The following PPFIA2 variants were observed in gnomAD, a reference collection of about 807,000 sequenced individuals.
PPFIA2 encodes the protein PPFI scaffold protein A2.
A neutral mutation model predicts 175.5 loss-of-function variants in PPFIA2; 46 were observed. The ratio of observed to expected loss-of-function variants is 0.26; its 90% confidence interval spans 0.21 to 0.34. The LOEUF (loss-of-function observed/expected upper bound fraction) is 0.34. PPFIA2 is among the 10% of genes least tolerant of loss of function. The pLI, the probability that PPFIA2 is intolerant of heterozygous loss-of-function variation, is 1.00. For synonymous variants in PPFIA2, 568 were observed against 511.4 expected, an observed-to-expected ratio of 1.11 and a Z score of -1.49; for missense variants, 1,179 against 1,506.1, an observed-to-expected ratio of 0.78 and a Z score of 3.60.
rs1433369721 is a variant in PPFIA2 at position 81,748,733 on chromosome 12, G to T, written c.249+5240C>A. Among the ~76,000 whole-genome samples the T allele has an allele frequency of 1.4e-5, 2 of 144,536 alleles. 1 individual carries two copies. Among genetic ancestry groups the T allele is most frequent in the Non-Finnish European group, 3.1e-5 (2 of 64,460 alleles). The allele number at this position is 144,536 out of a possible 152,430, so 94.8% of individuals were successfully genotyped here. On this transcript the variant is annotated intron_variant, in intron 3 of 32. Coordinates refer to ENST00000549396, the MANE Select transcript of PPFIA2 (RefSeq NM_003625.5). ...TTTTGTATGTTATTGAGGTTTTTGTGTTGTTATATAGCATTATTTAAGCAA... is the reference window on the plus strand; with the variant it reads ...TTTTGTATGTTATTGAGGTTTTTGTTTTGTTATATAGCATTATTTAAGCAA...
Position 81,702,371 on chromosome 12 carries a change from G to C in PPFIA2, c.250-25527C>G, listed in dbSNP as rs561829292. ...CAAATTTTTAATGTTGTCTTCACTA[G>C]TTTCTCCACTATATTACCCACTTCG... On this transcript the variant is annotated intron_variant, in intron 3 of 32. Coordinates refer to ENST00000549396, the MANE Select transcript of PPFIA2 (RefSeq NM_003625.5). Among the ~76,000 whole-genome samples the C allele has an allele frequency of 2.0e-5, 3 of 152,128 alleles. No homozygotes were observed. In the South Asian group the frequency reaches 6.2e-4, roughly 32 times the overall value.
intron 4 of PPFIA2, among the ~76,000 whole-genome samples, chr12:81,669,891 G>A (rs549297992): frequency 6.6e-6 from 1 of 151,978 alleles, no homozygotes; most frequent in African/African-American, 2.4e-5. Flanking sequence ...AAGGCTAAAT[G>A]TAACATATTG....
intron 4 of PPFIA2, among the ~76,000 whole-genome samples, chr12:81,604,665 T>A (rs1315507784): frequency 2.0e-5 from 3 of 151,642 alleles, no homozygotes; most frequent in Non-Finnish European, 3.0e-5. Context: ...AATCATTGGT[T>A]TTCAGGCAAT....
At chr12:81,600,068 C>G (rs1014363080) in intron 4 of PPFIA2, among the ~76,000 whole-genome samples, 4 of 151,972 alleles carry the variant, frequency 2.6e-5, no homozygotes, top group South Asian at 2.1e-4. Context: ...TTTCCCTTTC[C>G]CATACTCTAT....
intron 4 of PPFIA2, among the ~76,000 whole-genome samples, chr12:81,637,780 A>G (rs1346552235): frequency 6.6e-6 from 1 of 152,202 alleles, no homozygotes; most frequent in Non-Finnish European, 1.5e-5. Flanking sequence ...AGACAACAGT[A>G]GACATATTTT....
intron 4 of PPFIA2, among the ~76,000 whole-genome samples, chr12:81,540,219 A>T (rs2065997833): frequency 6.6e-6 from 1 of 152,112 alleles, no homozygotes; most frequent in African/African-American, 2.4e-5. Context: ...TAATAAAAAC[A>T]CCAAACCAGG....
chr12:81,368,841 T>C lies in PPFIA2; in HGVS notation c.1366A>G (p.Lys456Glu). The change falls in exon 13 of 33, where the codon AAA (lysine) becomes GAA (glutamate). Residue 456 changes from lysine (K) to glutamate (E), a missense_variant. Coordinates refer to ENST00000549396, the MANE Select transcript of PPFIA2 (RefSeq NM_003625.5). ...QELQRARQRE[K>E]MNEEHNKRLS... is the part of the protein sequence containing the mutation. ...CTCTTGTTATGCTCCTCATTCATTT[T>C]CTCTCTTTGCCTAGCCTTACATTTT... The C allele has an allele frequency of 6.2e-7, 1 of 1,609,986 alleles. No homozygotes were observed. The highest frequency in any genetic ancestry group is 8.5e-7 in the Non-Finnish European group (1 of 1,177,740).
chr12:81,507,986 A>T (rs890851951), intron 4 of PPFIA2, among the ~76,000 whole-genome samples: 2 of 151,912 alleles, frequency 1.3e-5, no homozygotes, highest in East Asian at 1.9e-4. Context: ...TTAGACATTT[A>T]AAAAAAATAA....
At chr12:81,489,745 G>C (rs544063453) in intron 4 of PPFIA2, among the ~76,000 whole-genome samples, 2 of 151,840 alleles carry the variant, frequency 1.3e-5, no homozygotes, top group African/African-American at 4.8e-5. Flanking sequence ...AATAGTGAAA[G>C]TATTGTATTT....
At chr12:81,507,656 C>A (rs149092134) in intron 4 of PPFIA2, among the ~76,000 whole-genome samples, 1 of 152,172 alleles carries the variant, frequency 6.6e-6, no homozygotes, top group African/African-American at 2.4e-5. Flanking sequence ...TCTGAGTCAT[C>A]TTTATCTTTC....
At chr12:81,277,847 G>C (rs553340572) in intron 27 of PPFIA2, among the ~76,000 whole-genome samples, 2 of 152,264 alleles carry the variant, frequency 1.3e-5, no homozygotes, top group African/African-American at 4.8e-5. Flanking sequence ...ACATAAGTAA[G>C]TGAGGTAATA....
chr12:81,323,276 G>A (rs931491024), intron 22 of PPFIA2, among the ~76,000 whole-genome samples: 1 of 152,006 alleles, frequency 6.6e-6, no homozygotes, highest in Non-Finnish European at 1.5e-5. Context: ...TATGAATTAT[G>A]GGATAGTGAG....
At chr12:81,327,608 A>G (rs981065138) in intron 21 of PPFIA2, among the ~76,000 whole-genome samples, 12 of 152,162 alleles carry the variant, frequency 7.9e-5, no homozygotes, top group African/African-American at 2.9e-4. Context: ...GAGATTGATG[A>G]GGCAGACATA....
chr12:81,443,860 T>C (rs1205459862), intron 6 of PPFIA2, among the ~76,000 whole-genome samples: 1 of 134,416 alleles, frequency 7.4e-6, no homozygotes, highest in Non-Finnish European at 1.6e-5. Context: ...TTTTTTTTTT[T>C]TTTTTTTTTT....
rs1319518533 is a variant in PPFIA2, at chr12:81,408,927, GT to G, written c.646-3025del. ...GTTTCAGCACCTGATTTAATTGTGG[GT>G]GTTAATAAGTGGATTATTTTTGACA... is the stretch of plus-strand genomic sequence containing the variant. On this transcript the variant is annotated intron_variant, in intron 7 of 32. Transcript: ENST00000549396. 1.1e-4 allele frequency among the ~76,000 whole-genome samples: 16 copies of G among 152,146 alleles called. No individual in the cohort carries two copies. In the East Asian group the frequency reaches 3.1e-3, roughly 29 times the overall value.
chr12:81,562,270 ATAAATTATGCTAC>A (rs1228395059), intron 4 of PPFIA2, among the ~76,000 whole-genome samples: 2 of 152,236 alleles, frequency 1.3e-5, no homozygotes, highest in African/African-American at 4.8e-5. Flanking sequence ...TATAAGAAGA[ATAAATTATGCTAC>A]TTTAAGCCAA....
chr12:81,597,718 A>C (rs1423378136), intron 4 of PPFIA2, among the ~76,000 whole-genome samples: 1 of 141,506 alleles, frequency 7.1e-6, no homozygotes, highest in African/African-American at 2.7e-5. Context: ...CAGATTTAAA[A>C]ATTCCTGTGG....
rs908227164 is a variant in PPFIA2, at chr12:81,625,637, T to G, written c.303+51154A>C. 3.3e-5 allele frequency among the ~76,000 whole-genome samples: 5 copies of G among 151,838 alleles called. 1 individual carries two copies. In the South Asian group the frequency reaches 8.3e-4, roughly 25 times the overall value. On this transcript the variant is annotated intron_variant, in intron 4 of 32. Coordinates refer to ENST00000549396, the MANE Select transcript of PPFIA2 (RefSeq NM_003625.5). ...TTAATGAATTTTAATGACACAAACC[T>G]GAAAGAAAAGATTCTTGCAACCATT...
chr12:81,652,233 C>G (rs894373811), intron 4 of PPFIA2, among the ~76,000 whole-genome samples: 2 of 147,206 alleles, frequency 1.4e-5, no homozygotes, highest in Non-Finnish European at 3.0e-5. Context: ...TTTAAAAAGT[C>G]ATACTAGATA....
Sources: gnomAD v4.1 joint callset for allele counts (sites outside exome capture counted in the v4.1 genomes callset) on GRCh38, gnomAD v4.1.1 for gene constraint, MANE v1.5 for transcripts, NCBI Gene and HGNC (gene_info 2026-07-23, HGNC 2026-07-21) for gene names.